The following AR variants were observed in gnomAD, a reference collection of about 807,000 sequenced individuals.
The protein encoded by AR is androgen receptor, also known as dihydrotestosterone receptor.
A neutral mutation model predicts 53.9 loss-of-function variants in AR; 8 were observed. That is an observed-to-expected ratio of 0.15 (90% CI 0.09 to 0.27). The LOEUF is 0.27. Ranked by LOEUF, AR falls within the 10% of genes least tolerant of loss-of-function variation. The pLI is 1.00. For synonymous variants in AR, 359 were observed against 316.4 expected (o/e 1.13, Z -1.43); for missense variants, 639 against 742.5 (o/e 0.86, Z 1.62).
chrX:67,599,870 A>G (rs1923266931), intron 1 of AR, among the ~76,000 whole-genome samples: 1 of 112,058 alleles, frequency 8.9e-6, no homozygotes, highest in Non-Finnish European at 1.9e-5. Flanking sequence ...AAATTATGAT[A>G]TGCGCATATG....
intron 5 of AR, 28 bp from the exon 6 acceptor site, chrX:67,721,805 C>A (rs1423374786): frequency 8.3e-7 from 1 of 1,210,302 alleles, no homozygotes; most frequent in Non-Finnish European, 1.1e-6. Context: ...CCCCTCATTC[C>A]TTTTTCCTCT....
intron 3 of AR, among the ~76,000 whole-genome samples, chrX:67,699,048 G>A (rs139503136): frequency 7.1e-5 from 8 of 111,968 alleles, no homozygotes; most frequent in South Asian, 3.8e-4. Context: ...GGATTTGAAC[G>A]CAAGACTGTT....
intron 2 of AR, among the ~76,000 whole-genome samples, chrX:67,657,209 C>T (rs181030673): frequency 9.0e-6 from 1 of 110,929 alleles, no homozygotes; most frequent in African/African-American, 3.3e-5. Flanking sequence ...CCAAGGATAC[C>T]AGGATATTTC....
chrX:67,677,001 G>A lies in AR; in HGVS notation c.1769-9009G>A, dbSNP rs1047099382. Among the ~76,000 whole-genome samples, 4 of 110,368 alleles carry A rather than the reference G, an allele frequency of 3.6e-5. No homozygotes were observed. In the South Asian group the frequency reaches 1.6e-3, roughly 44 times the overall value. On this transcript the variant is annotated intron_variant, in intron 2 of 7. Coordinates refer to ENST00000374690, the MANE Select transcript of AR (RefSeq NM_000044.6). Reference sequence around the variant, plus strand: ...AGGGTAGTACTGGCAGTGGTGGGCAGACAAGGAGGTGATAGCAAACTTTGT... The same window carrying A: ...AGGGTAGTACTGGCAGTGGTGGGCAAACAAGGAGGTGATAGCAAACTTTGT...
chrX:67,671,856 T>C (rs181059079), intron 2 of AR, among the ~76,000 whole-genome samples: 361 of 112,042 alleles, frequency 3.2e-3, no homozygotes, highest in African/African-American at 0.011. Flanking sequence ...AAATAGGGAA[T>C]CCTTTCCCCA....
intron 1 of AR, among the ~76,000 whole-genome samples, chrX:67,642,777 ATAT>A (rs912748890): frequency 8.9e-6 from 1 of 111,796 alleles, no homozygotes; most frequent in African/African-American, 3.3e-5. Context: ...AGGATGGGAG[ATAT>A]TATCTCTATT....
intron 2 of AR, among the ~76,000 whole-genome samples, chrX:67,672,853 G>C (rs755090869): frequency 9.0e-6 from 1 of 111,067 alleles, no homozygotes; most frequent in Non-Finnish European, 1.9e-5. Context: ...CATGAGTTTT[G>C]TATTTTCAGA....
intron 3 of AR, among the ~76,000 whole-genome samples, chrX:67,710,454 G>A (rs889895830): frequency 2.7e-5 from 3 of 110,860 alleles, no homozygotes; most frequent in Non-Finnish European, 5.7e-5. Context: ...CTGAGTAGCA[G>A]AGACTACAGA....
intron 2 of AR, among the ~76,000 whole-genome samples, chrX:67,677,429 A>T (rs1407557039): frequency 8.9e-6 from 1 of 111,875 alleles, no homozygotes; most frequent in Non-Finnish European, 1.9e-5. Context: ...CCGTACCCTT[A>T]TCTCTTGCAC....
chrX:67,568,391 T>C (rs1454810322), intron 1 of AR, among the ~76,000 whole-genome samples: 1 of 111,414 alleles, frequency 9.0e-6, no homozygotes, highest in Non-Finnish European at 1.9e-5. Context: ...GGGAAGGGAA[T>C]TAGACCAAGT....
At chrX:67,569,092 G>A (rs1259389262) in intron 1 of AR, 2 of 1,097,394 alleles carry the variant, frequency 1.8e-6, no homozygotes, top group African/African-American at 1.9e-5. Flanking sequence ...GGTTTGGACT[G>A]TGACCTAATA....
At chrX:67,715,562 C>G (rs2076109811) in intron 4 of AR, among the ~76,000 whole-genome samples, 1 of 111,873 alleles carries the variant, frequency 8.9e-6, no homozygotes, top group Non-Finnish European at 1.9e-5. Flanking sequence ...CTGACAAAAG[C>G]TGGTGACCTT....
chrX:67,658,984 C>T (rs961519586), intron 2 of AR, among the ~76,000 whole-genome samples: 2 of 111,460 alleles, frequency 1.8e-5, no homozygotes, highest in Non-Finnish European at 3.8e-5. Context: ...TGGTTGACTT[C>T]ACTGAGATGG....
intron 1 of AR, among the ~76,000 whole-genome samples, chrX:67,630,587 T>G (rs1420781879): frequency 1.8e-5 from 2 of 111,462 alleles, no homozygotes; most frequent in Admixed American, 1.9e-4. Context: ...TCTTGACTCT[T>G]TATCCAATTT....
At chrX:67,585,163 G>T (rs192113584) in intron 1 of AR, among the ~76,000 whole-genome samples, 175 of 107,584 alleles carry the variant, frequency 1.6e-3, no homozygotes, top group Non-Finnish European at 2.7e-3. Flanking sequence ...GGCTGAGACA[G>T]AAGAATTGCT....
intron 2 of AR, among the ~76,000 whole-genome samples, chrX:67,645,237 G>C (rs1422772707): frequency 9.0e-6 from 1 of 111,663 alleles, no homozygotes; most frequent in Non-Finnish European, 1.9e-5. Context: ...TACAAATATG[G>C]GTCACTAAAT....
At chrX:67,558,032 C>T (rs747765117) in intron 1 of AR, among the ~76,000 whole-genome samples, 1 of 111,867 alleles carries the variant, frequency 8.9e-6, no homozygotes, top group African/African-American at 3.2e-5. Flanking sequence ...TTCATGGAAC[C>T]TGGGAGACCA....
intron 2 of AR, 194 bp from the exon 3 acceptor site, chrX:67,685,816 A>G: frequency 1.7e-6 from 1 of 596,543 alleles, no homozygotes; most frequent in Non-Finnish European, 2.5e-6. Context: ...AATGGAAATC[A>G]AACAATATAG....
In AR at chrX:67,726,952, T is replaced by C. The variant is rs991993411; in HGVS notation, c.*3111T>C. ...GGACCATCTCCAAACAAGTTGGCAG[T>C]GCTCGATGTGGACGAAGAGTGAGGA... On this transcript the variant is annotated 3_prime_UTR_variant, in exon 8 of 8. Transcript: ENST00000374690. 5.8e-6 allele frequency: 1 copy of C among 172,588 alleles called. No individual in the cohort carries two copies. The highest frequency in any genetic ancestry group is 2.9e-5 in the African/African-American group (1 of 33,928). 14.2% of individuals were successfully genotyped at this position (172,588 alleles called of 1,213,427 possible).
Sources: allele counts gnomAD v4.1 joint callset (sites outside exome capture counted in the v4.1 genomes callset), GRCh38; gene constraint gnomAD v4.1.1; transcripts MANE v1.5; gene names NCBI Gene and HGNC (gene_info 2026-07-23, HGNC 2026-07-21).